The following CKAP5 variants were observed in gnomAD, a reference collection of about 807,000 sequenced individuals.
The protein encoded by CKAP5 is cytoskeleton-associated protein 5.
Under a neutral mutation model 232.8 loss-of-function variants are expected in CKAP5, and 27 were observed. The observed-to-expected ratio is 0.12, with a 90% CI of 0.09 to 0.16. CKAP5 has a LOEUF of 0.16. CKAP5 is among the 10% of genes least tolerant of loss of function. The pLI is 1.00. For synonymous variants in CKAP5, 785 were observed against 841.1 expected (o/e 0.93, Z 1.16); for missense variants, 1,838 against 2,424.7 (o/e 0.76, Z 5.08).
chr11:46,753,979 G>A lies in CKAP5; in HGVS notation c.4870-482C>T, dbSNP rs773768318. On this transcript the variant is annotated intron_variant, in intron 36 of 43. Coordinates refer to ENST00000529230, the MANE Select transcript of CKAP5 (RefSeq NM_001008938.4). ...CCTCTAGTAATAGGCAAAATTAATC[G>A]GTGTGCTTCTAATTGTGAAATTTTT... 2.6e-5 allele frequency among the ~76,000 whole-genome samples: 4 copies of A among 151,822 alleles called. No homozygotes were observed. In the East Asian group the frequency reaches 5.8e-4, roughly 22 times the overall value.
At chr11:46,804,697 T>C (rs1939112992) in intron 8 of CKAP5, among the ~76,000 whole-genome samples, 1 of 151,836 alleles carries the variant, frequency 6.6e-6, no homozygotes, top group African/African-American at 2.4e-5. Flanking sequence ...CCATTATGAA[T>C]TACTGTGTTT....
rs758748236 is a variant in CKAP5 at position 46,770,805 on chromosome 11, C to T, written c.3169G>A (p.Ala1057Thr). The change falls in exon 25 of 44, where the codon GCT becomes ACT. Residue 1057 changes from alanine to threonine, a missense_variant. By Grantham distance (58) the Ala-to-Thr change is moderately conservative (BLOSUM62 0). Coordinates refer to ENST00000529230, the MANE Select transcript of CKAP5 (RefSeq NM_001008938.4). ...MHLGYEKMAKATGKLKPTSKD... is the reference protein window; with the variant it reads ...MHLGYEKMAKTTGKLKPTSKD... The stretch of plus-strand genomic sequence containing the variant: ...AGTAGTACCTTTAGTTTCCCAGTAG[C>T]CTTGGCCATTTTTTCATATCCTAAA... The T allele has an allele frequency of 6.2e-7, 1 of 1,613,864 alleles. No individual in the cohort carries two copies. Among genetic ancestry groups the T allele is most frequent in the Non-Finnish European group, 8.5e-7 (1 of 1,179,942 alleles).
chr11:46,750,581 C>G lies in CKAP5; in HGVS notation c.5491G>C (p.Asp1831His), dbSNP rs1480642065. The part of the protein sequence containing the change: ...DEKSSKAKVN[D>H]FLAEIFKKIG... The stretch of plus-strand genomic sequence containing the variant: ...TTCTTAAAAATCTCAGCTAAGAAAT[C>G]ATTCACTTTGGCCTTTGATGATTTT... The change falls in exon 41 of 44, where the codon GAT becomes CAT. Residue 1831 changes from aspartate (D) to histidine (H), a missense_variant. Physicochemically the swap from Asp to His is moderately conservative, Grantham distance 81 (BLOSUM62 -1). Coordinates refer to ENST00000529230, the MANE Select transcript of CKAP5 (RefSeq NM_001008938.4). The G allele has an allele frequency of 6.2e-7, 1 of 1,613,632 alleles. No individual in the cohort carries two copies. The highest frequency in any genetic ancestry group is 8.5e-7 in the Non-Finnish European group (1 of 1,179,858).
intron 35 of CKAP5, among the ~76,000 whole-genome samples, chr11:46,757,974 A>T (rs1426100339): frequency 7.4e-6 from 1 of 135,154 alleles, no homozygotes; most frequent in Non-Finnish European, 1.6e-5. Context: ...TGCAGCCTCA[A>T]CCTCCCAGGC....
chr11:46,809,244 T>C (rs1281688195), intron 7 of CKAP5, among the ~76,000 whole-genome samples, 156 bp downstream of exon 7: 1 of 152,100 alleles, frequency 6.6e-6, no homozygotes, highest in East Asian at 1.9e-4. Flanking sequence ...TACAAAGTAG[T>C]GTGGGAGCAA....
chr11:46,779,677 T>C (rs2065322331), intron 20 of CKAP5, among the ~76,000 whole-genome samples: 1 of 152,048 alleles, frequency 6.6e-6, no homozygotes, highest in Non-Finnish European at 1.5e-5. Flanking sequence ...TTGAGTACAG[T>C]GGTACAAACA....
intron 11 of CKAP5, among the ~76,000 whole-genome samples, chr11:46,797,348 C>G (rs1938901344): frequency 6.6e-6 from 1 of 150,812 alleles, no homozygotes; most frequent in Admixed American, 6.6e-5. Flanking sequence ...GCCTGGGCAA[C>G]AGAGCTAAAC....
At chr11:46,800,004 A>T (rs192465497) in intron 9 of CKAP5, among the ~76,000 whole-genome samples, 15 of 152,284 alleles carry the variant, frequency 9.9e-5, no homozygotes, top group African/African-American at 3.6e-4. Context: ...CTGTCTCAAA[A>T]AAAAAAAACT....
intron 8 of CKAP5, among the ~76,000 whole-genome samples, chr11:46,806,426 CA>C (rs1939156821): frequency 6.6e-6 from 1 of 152,334 alleles, no homozygotes; most frequent in East Asian, 1.9e-4. Context: ...GAAGAATTGA[CA>C]GAGAATCTGT....
intron 1 of CKAP5, among the ~76,000 whole-genome samples, chr11:46,845,088 G>A (rs1420781294): frequency 1.3e-5 from 2 of 152,210 alleles, no homozygotes; most frequent in African/African-American, 4.8e-5. Context: ...AGTCACTTCA[G>A]AGAAGTCAAA....
chr11:46,760,499 T>C lies in CKAP5; in HGVS notation c.4394+113A>G. On this transcript the variant is annotated intron_variant, in intron 33 of 43. Coordinates refer to ENST00000529230, the MANE Select transcript of CKAP5 (RefSeq NM_001008938.4). ...TTACAATACATTTACCCAGACACTC[T>C]GTCATGCATGATAATGGCTACAAGA... The C allele has an allele frequency of 3.1e-6, 3 of 971,348 alleles. No homozygotes were observed. The South Asian group carries it at 4.5e-5, about 15-fold the overall frequency. The allele number at this position is 971,348 out of a possible 1,614,324, so 60.2% of individuals were successfully genotyped here.
At chr11:46,784,454 A>G in intron 17 of CKAP5, 34 bp downstream of exon 17, 1 of 1,536,502 alleles carries the variant, frequency 6.5e-7, no homozygotes, top group South Asian at 1.2e-5. Context: ...AAAAATTGGG[A>G]AAACTAGAGG....
At chr11:46,751,074 G>A (rs531144157) in intron 40 of CKAP5, 44 bp downstream of exon 40, 56 of 1,611,476 alleles carry the variant, frequency 3.5e-5, no homozygotes, top group Middle Eastern at 3.3e-4. Flanking sequence ...GATCACTTCC[G>A]GTGTAGCCTC....
At position 46,808,160 on chromosome 11, in the gene CKAP5, TGA is replaced by T. The variant is rs1939198190; in HGVS notation, c.865-18_865-17del. 6.9e-7 allele frequency: 1 copy of T among 1,453,858 alleles called. No individual in the cohort carries two copies. Among genetic ancestry groups the T allele is most frequent in the Non-Finnish European group, 9.6e-7 (1 of 1,038,736 alleles). The allele number at this position is 1,453,858 out of a possible 1,614,324, so 90.1% of individuals were successfully genotyped here. Reference sequence around the variant, plus strand: ...TTTTTGCCTCCTGCAAGATACAATATGAGTCATTTGTAACAGGAAATAAGAGA... The same window carrying T: ...TTTTTGCCTCCTGCAAGATACAATATGTCATTTGTAACAGGAAATAAGAGA... On this transcript the variant is annotated splice_polypyrimidine_tract_variant and intron_variant, in intron 7 of 43. Transcript: ENST00000529230.
intron 11 of CKAP5, among the ~76,000 whole-genome samples, chr11:46,797,474 C>A (rs1201622446): frequency 6.6e-6 from 1 of 152,052 alleles, no homozygotes; most frequent in Non-Finnish European, 1.5e-5. Context: ...TTCCTCTTAC[C>A]CTCTATCTAA....
intron 1 of CKAP5, among the ~76,000 whole-genome samples, 152 bp from the exon 2 acceptor site, chr11:46,821,420 ACT>A (rs1939522332): frequency 1.3e-5 from 1 of 75,978 alleles, no homozygotes; most frequent in African/African-American, 5.0e-5. Flanking sequence ...AATTAACAGG[ACT>A]TTTTTTTTTT....
chr11:46,807,008 A>C (rs1219349420), intron 8 of CKAP5, among the ~76,000 whole-genome samples: 2 of 152,198 alleles, frequency 1.3e-5, no homozygotes, highest in Non-Finnish European at 2.9e-5. Flanking sequence ...TAGTGCTGAA[A>C]TGCTGTCTAG....
chr11:46,753,356 A>G lies in CKAP5; in HGVS notation c.5011T>C (p.Leu1671=). ...GACTTCTCCAGAACCTTCACCACCA[A>G]GAGGTTCACAGAGCGGATGACCTGT... ...GQQVIRSVNL[L]VVKVLEKSDQ... The change falls in exon 37 of 44, where the codon TTG becomes CTG. Residue 1671 remains leucine (L), a synonymous_variant. Transcript: ENST00000529230. 1 of 1,613,800 alleles carries G rather than the reference A, an allele frequency of 6.2e-7. No individual in the cohort carries two copies. Among genetic ancestry groups the G allele is most frequent in the Non-Finnish European group, 8.5e-7 (1 of 1,179,900 alleles).
chr11:46,829,838 A>ATATGTG (rs1412461020), intron 1 of CKAP5, among the ~76,000 whole-genome samples: 6 of 143,130 alleles, frequency 4.2e-5, no homozygotes, highest in African/African-American at 1.6e-4. Flanking sequence ...CCTTTTTTGT[A>ATATGTG]TGTGTGTGTG....
Sources: allele counts gnomAD v4.1 joint callset (sites outside exome capture counted in the v4.1 genomes callset), GRCh38; gene constraint gnomAD v4.1.1; transcripts MANE v1.5; gene names NCBI Gene and HGNC (gene_info 2026-07-23, HGNC 2026-07-21).